NAALADL2: variants seen among roughly 807,000 people sequenced by gnomAD.
NAALADL2 encodes inactive N-acetylated-alpha-linked acidic dipeptidase-like protein 2.
In NAALADL2, 76 loss-of-function variants were observed where a neutral mutation model predicts 87.2. The ratio of observed to expected loss-of-function variants is 0.87; its 90% CI spans 0.72 to 1.05. The LOEUF is 1.05. Ranked by LOEUF, NAALADL2 falls within the 50% of genes least tolerant of loss-of-function variation. The pLI is 0.00. For missense variants in NAALADL2, 1,089 were observed against 945.8 expected (o/e 1.15, Z -1.99); for synonymous variants, 354 against 331.0 (o/e 1.07, Z -0.75).
chr3:175,705,158 G>A (rs961578232), intron 11 of NAALADL2, among the ~76,000 whole-genome samples: 1 of 152,018 alleles, frequency 6.6e-6, no homozygotes, highest in Non-Finnish European at 1.5e-5. Flanking sequence ...AAAGGCGATG[G>A]AATAAGGAGA....
At chr3:175,379,431 T>A (rs1225064821) in intron 5 of NAALADL2, among the ~76,000 whole-genome samples, 3 of 152,142 alleles carry the variant, frequency 2.0e-5, no homozygotes, top group Non-Finnish European at 4.4e-5. Context: ...GGTGGAAAGC[T>A]TTAGGCACTT....
chr3:175,087,660 G>T (rs562144640), intron 1 of NAALADL2, among the ~76,000 whole-genome samples: 1 of 152,164 alleles, frequency 6.6e-6, no homozygotes, highest in South Asian at 2.1e-4. Flanking sequence ...GGGTTAAATG[G>T]ATTAAGGGCG....
At chr3:174,552,541 TC>T (rs1712248949) in intron 2 of NAALADL2, among the ~76,000 whole-genome samples, 1 of 152,248 alleles carries the variant, frequency 6.6e-6, no homozygotes, top group Admixed American at 6.5e-5. Flanking sequence ...ATGCCTTTAG[TC>T]TCAGCACTTT....
At chr3:175,667,886 A>G (rs935393350) in intron 11 of NAALADL2, among the ~76,000 whole-genome samples, 3 of 151,978 alleles carry the variant, frequency 2.0e-5, no homozygotes, top group Admixed American at 1.3e-4. Flanking sequence ...TACTCTTAAA[A>G]TCTACCCTAT....
intron 2 of NAALADL2, among the ~76,000 whole-genome samples, chr3:174,552,673 G>C (rs1234628926): frequency 1.3e-5 from 2 of 151,774 alleles, no homozygotes; most frequent in African/African-American, 2.4e-5. Flanking sequence ...GCACAGGCCT[G>C]TAGTCCCAGC....
chr3:174,598,319 G>A (rs1036828336), intron 2 of NAALADL2, among the ~76,000 whole-genome samples: 2 of 152,014 alleles, frequency 1.3e-5, no homozygotes, highest in Admixed American at 6.6e-5. Flanking sequence ...AAGTGTATTT[G>A]TTTTTACTCT....
intron 1 of NAALADL2, among the ~76,000 whole-genome samples, chr3:174,974,634 T>C (rs557133379): frequency 5.5e-4 from 83 of 152,150 alleles, no homozygotes; most frequent in Non-Finnish European, 1.1e-3. Context: ...GGTGATTGTT[T>C]GGAATTTAAA....
At chr3:175,251,332 A>C (rs1429959977) in intron 3 of NAALADL2, among the ~76,000 whole-genome samples, 1 of 152,224 alleles carries the variant, frequency 6.6e-6, no homozygotes, top group South Asian at 2.1e-4. Context: ...CTGAATTAAA[A>C]ATTAACATGT....
intron 1 of NAALADL2, among the ~76,000 whole-genome samples, chr3:174,460,387 T>C (rs1716137621): frequency 6.6e-6 from 1 of 152,076 alleles, no homozygotes; most frequent in South Asian, 2.1e-4. Context: ...TATTGTGTCA[T>C]TTTTTGATAG....
intron 10 of NAALADL2, among the ~76,000 whole-genome samples, chr3:175,607,290 A>G (rs1021168475): frequency 2.6e-5 from 4 of 152,194 alleles, no homozygotes; most frequent in Non-Finnish European, 4.4e-5. Context: ...TCATTGTTAC[A>G]TTTTATTGTA....
In NAALADL2 at chr3:175,704,859, A is replaced by G. The variant is rs117802423; in HGVS notation, c.1897-32447A>G. Among the ~76,000 whole-genome samples the G allele has an allele frequency of 3.8e-4, 58 of 152,318 alleles. No individual in the cohort carries two copies. The East Asian group carries it at 0.01, about 27-fold the overall frequency. ...CTTTGAAGTCCAGGGTCTGTGAGGA[A>G]CTAAAAGTTTCATGTAAGTATGATG... On this transcript the variant is annotated intron_variant, in intron 11 of 13. Transcript: ENST00000454872.
At chr3:174,959,139 A>G (rs1343384028) in intron 1 of NAALADL2, among the ~76,000 whole-genome samples, 2 of 151,996 alleles carry the variant, frequency 1.3e-5, no homozygotes, top group African/African-American at 2.4e-5. Context: ...ACTTAGAGAC[A>G]TTAGAATGCT....
At chr3:174,609,393 ATGAT>A (rs1178938302) in intron 2 of NAALADL2, among the ~76,000 whole-genome samples, 26 of 152,038 alleles carry the variant, frequency 1.7e-4, no homozygotes, top group Non-Finnish European at 2.9e-4. Flanking sequence ...TGCAGACAAC[ATGAT>A]TGTATATCTA....
At position 175,054,433 on chromosome 3, in the gene NAALADL2, G is replaced by A. The variant is rs113218683; in HGVS notation, c.44-42357G>A. Among the ~76,000 whole-genome samples, 884 of 152,286 alleles carry A rather than the reference G, an allele frequency of 5.8e-3. 14 individuals are homozygous for A. Among genetic ancestry groups the A allele is most frequent in the African/African-American group, 0.02 (848 of 41,538 alleles). On this transcript the variant is annotated intron_variant, in intron 1 of 13. Coordinates refer to ENST00000454872, the MANE Select transcript of NAALADL2 (RefSeq NM_207015.3). ...AGGCAATCCTGGCTGTAATGCTCCC[G>A]TGGGTTGTATAACTGAATTGATAGC... is the stretch of plus-strand genomic sequence containing the variant.
At chr3:175,280,033 TAA>T (rs5854623) in intron 4 of NAALADL2, among the ~76,000 whole-genome samples, 4,213 of 148,490 alleles carry the variant, frequency 0.028, 199 homozygotes, top group African/African-American at 0.096. Context: ...CACTCCACTT[TAA>T]AAAAAAAAAC....
chr3:175,133,708 C>T (rs62287726), intron 2 of NAALADL2, among the ~76,000 whole-genome samples: 2,628 of 152,068 alleles, frequency 0.017, 38 homozygotes, highest in Non-Finnish European at 0.026. Flanking sequence ...AGAGGGAGAC[C>T]GTGGAAAGAG....
At chr3:175,667,181 GAGAAAGAA>G (rs201860926) in intron 11 of NAALADL2, among the ~76,000 whole-genome samples, 6,928 of 95,108 alleles carry the variant, frequency 0.073, 273 homozygotes, top group East Asian at 0.13. Context: ...AAGAAAGAAA[GAGAAAGAA>G]AGAAAGAAAG....
At chr3:175,148,091 G>GATAATAATAATA (rs777779002) in intron 2 of NAALADL2, among the ~76,000 whole-genome samples, 101 of 110,720 alleles carry the variant, frequency 9.1e-4, no homozygotes, top group African/African-American at 3.2e-3. Context: ...TAATGATAAT[G>GATAATAATAATA]ATAATAATAA....
At chr3:175,586,790 T>C (rs192712505) in intron 10 of NAALADL2, among the ~76,000 whole-genome samples, 18 of 152,346 alleles carry the variant, frequency 1.2e-4, no homozygotes, top group Non-Finnish European at 2.9e-5. Context: ...GACTCAGGTA[T>C]ATATAATTAA....
Sources: gnomAD v4.1 joint callset for allele counts (sites outside exome capture counted in the v4.1 genomes callset) on GRCh38, gnomAD v4.1.1 for gene constraint, MANE v1.5 for transcripts, NCBI Gene and HGNC (gene_info 2026-07-23, HGNC 2026-07-21) for gene names.